Variants in GPC5 observed in about 807,000 individuals in gnomAD.
The protein encoded by GPC5 is glypican 5.
A neutral mutation model predicts 53.9 loss-of-function variants in GPC5; 47 were observed. The observed-to-expected ratio is 0.87, with a 90% CI of 0.69 to 1.11. GPC5 has a LOEUF of 1.11. GPC5 is among the 50% of genes most tolerant of loss of function. The probability of loss-of-function intolerance (pLI) is 0.00; values close to 1 mark genes in which losing one functional copy is unlikely to be tolerated. For synonymous variants in GPC5, 286 were observed against 263.3 expected (o/e 1.09, Z -0.84); for missense variants, 748 against 713.1 (o/e 1.05, Z -0.56).
At chr13:91,746,254 C>T (rs963172535) in intron 4 of GPC5, among the ~76,000 whole-genome samples, 41 of 152,204 alleles carry the variant, frequency 2.7e-4, no homozygotes, top group African/African-American at 9.6e-4. Context: ...CACATTTGAC[C>T]TTTGTTCTAC....
intron 7 of GPC5, among the ~76,000 whole-genome samples, chr13:92,393,641 T>A: frequency 6.6e-6 from 1 of 152,068 alleles, no homozygotes; most frequent in East Asian, 1.9e-4. Context: ...AGAGTGATAC[T>A]GTGCATGAAA....
intron 3 of GPC5, among the ~76,000 whole-genome samples, chr13:91,714,287 A>C (rs2036287737): frequency 6.6e-6 from 1 of 152,210 alleles, no homozygotes; most frequent in South Asian, 2.1e-4. Context: ...AAGGTTGTTT[A>C]TATTTTCGGC....
In GPC5 at chr13:91,583,474, C is replaced by T. The variant is rs1185960745; in HGVS notation, c.326-109713C>T. ...AAAATAATATTTAAAAGAGACATGT[C>T]CTTGAAAATGGCACAAAAGTATCAA... On this transcript the variant is annotated intron_variant, in intron 2 of 7. Coordinates refer to ENST00000377067, the MANE Select transcript of GPC5 (RefSeq NM_004466.6). Among the ~76,000 whole-genome samples, 3 of 152,084 alleles carry T rather than the reference C, an allele frequency of 2.0e-5. No homozygotes were observed. The East Asian group carries it at 5.8e-4, about 29-fold the overall frequency.
At chr13:91,740,187 G>C (rs2036900939) in intron 4 of GPC5, among the ~76,000 whole-genome samples, 1 of 152,070 alleles carries the variant, frequency 6.6e-6, no homozygotes. Context: ...ACTGCTTCTA[G>C]GGAATCTGAC....
At chr13:92,297,593 C>G (rs1594080114) in intron 7 of GPC5, among the ~76,000 whole-genome samples, 1 of 152,116 alleles carries the variant, frequency 6.6e-6, no homozygotes, top group Non-Finnish European at 1.5e-5. Flanking sequence ...CTTGGAGAAC[C>G]TGTGTGTCGA....
intron 6 of GPC5, among the ~76,000 whole-genome samples, chr13:91,989,316 C>G (rs1472423681): frequency 6.6e-6 from 1 of 152,152 alleles, no homozygotes; most frequent in African/African-American, 2.4e-5. Flanking sequence ...TTTCTAAATC[C>G]CATATGATTC....
intron 2 of GPC5, among the ~76,000 whole-genome samples, chr13:91,605,396 CAGCTTTGTTCTTTT>C (rs2033330599): frequency 1.1e-5 from 1 of 89,596 alleles, no homozygotes; most frequent in Admixed American, 1.3e-4. Context: ...GTGATGCCTC[CAGCTTTGTTCTTTT>C]GGCTTAGGAT....
chr13:91,584,580 G>T (rs1452217870), intron 2 of GPC5, among the ~76,000 whole-genome samples: 7 of 151,616 alleles, frequency 4.6e-5, no homozygotes, highest in African/African-American at 1.2e-4. Flanking sequence ...TTAAAACCAA[G>T]AACTTTTTTT....
chr13:91,578,781 C>A (rs774700258), intron 2 of GPC5, among the ~76,000 whole-genome samples: 1 of 151,924 alleles, frequency 6.6e-6, no homozygotes, highest in African/African-American at 2.4e-5. Flanking sequence ...TGCGGTGGCT[C>A]GTGCCTGTAA....
At chr13:92,070,975 C>T (rs1211715464) in intron 6 of GPC5, among the ~76,000 whole-genome samples, 6 of 152,244 alleles carry the variant, frequency 3.9e-5, no homozygotes, top group East Asian at 1.9e-4. Flanking sequence ...TGGTGGCTCA[C>T]GCCTGTAATC....
intron 2 of GPC5, among the ~76,000 whole-genome samples, chr13:91,542,827 G>C (rs1433498137): frequency 1.3e-5 from 2 of 150,510 alleles, no homozygotes; most frequent in Non-Finnish European, 2.9e-5. Flanking sequence ...GGGATTACAG[G>C]CATGCATCAC....
At chr13:92,217,701 C>A (rs1469518236) in intron 7 of GPC5, among the ~76,000 whole-genome samples, 1 of 152,088 alleles carries the variant, frequency 6.6e-6, no homozygotes, top group East Asian at 1.9e-4. Flanking sequence ...CATCATTATC[C>A]CTGAATATTT....
chr13:92,638,747 G>A (rs1476285102), intron 7 of GPC5, among the ~76,000 whole-genome samples: 2 of 152,140 alleles, frequency 1.3e-5, no homozygotes, highest in African/African-American at 4.8e-5. Flanking sequence ...TCTTGTCTGT[G>A]TTTAGCACAA....
At chr13:91,737,912 G>A (rs781230605) in intron 4 of GPC5, among the ~76,000 whole-genome samples, 10 of 151,270 alleles carry the variant, frequency 6.6e-5, no homozygotes, top group Admixed American at 1.3e-4. Context: ...ATAGAAAAAC[G>A]ATTTTAATTA....
intron 7 of GPC5, among the ~76,000 whole-genome samples, chr13:92,836,041 T>C (rs779795505): frequency 5.3e-5 from 8 of 152,082 alleles, no homozygotes; most frequent in Non-Finnish European, 1.0e-4. Context: ...CACTTGACTT[T>C]TTTTTGTCAA....
chr13:92,127,792 A>G (rs2041711430), intron 6 of GPC5, among the ~76,000 whole-genome samples: 1 of 152,236 alleles, frequency 6.6e-6, no homozygotes, highest in Non-Finnish European at 1.5e-5. Context: ...CTAAGATTTT[A>G]TAATGATAAT....
chr13:91,772,595 C>T (rs570996), intron 5 of GPC5, among the ~76,000 whole-genome samples: 2,946 of 151,976 alleles, frequency 0.019, 89 homozygotes, highest in African/African-American at 0.066. Context: ...TCAATGTCAC[C>T]TAATTTATTA....
At chr13:91,625,647 C>A (rs971225073) in intron 2 of GPC5, among the ~76,000 whole-genome samples, 1 of 151,940 alleles carries the variant, frequency 6.6e-6, no homozygotes, top group African/African-American at 2.4e-5. Context: ...CAAGCAAGTG[C>A]CTTATTTGGT....
intron 5 of GPC5, among the ~76,000 whole-genome samples, chr13:91,854,224 A>C (rs2038943812): frequency 6.6e-6 from 1 of 151,808 alleles, no homozygotes; most frequent in African/African-American, 2.4e-5. Context: ...ACAAATAAAG[A>C]TATTGAAAAT....
Sources: gnomAD v4.1 joint callset for allele counts (sites outside exome capture counted in the v4.1 genomes callset) on GRCh38, gnomAD v4.1.1 for gene constraint, MANE v1.5 for transcripts, NCBI Gene and HGNC (gene_info 2026-07-23, HGNC 2026-07-21) for gene names.